The following SHISA9 variants were observed in gnomAD, a reference collection of about 807,000 sequenced individuals.
The protein encoded by SHISA9 is protein shisa-9.
Under a neutral mutation model 38.0 loss-of-function variants are expected in SHISA9, and 13 were observed. The observed-to-expected ratio is 0.34, with a 90% CI of 0.22 to 0.54. The LOEUF is 0.54. Ranked by LOEUF, SHISA9 falls within the 20% of genes least tolerant of loss-of-function variation. The probability of loss-of-function intolerance (pLI) is 0.91; values close to 1 mark genes in which losing one functional copy is unlikely to be tolerated. For missense variants in SHISA9, 538 were observed against 575.8 expected (o/e 0.93, Z 0.67); for synonymous variants, 275 against 242.0 (o/e 1.14, Z -1.27).
the SHISA9 span, among the ~76,000 whole-genome samples, chr16:13,547,291 G>A: frequency 2.6e-5 from 4 of 152,076 alleles, no homozygotes; most frequent in Admixed American, 1.3e-4. Context: ...TTATCAGTGG[G>A]TTTTTTTCTA....
chr16:12,991,540 A>C (rs2072385973), intron 2 of SHISA9, among the ~76,000 whole-genome samples: 2 of 152,218 alleles, frequency 1.3e-5, no homozygotes, highest in Admixed American at 1.3e-4. Context: ...ACAGAGAACT[A>C]AGAAGTTCAA....
the SHISA9 span, among the ~76,000 whole-genome samples, chr16:13,527,162 G>A: frequency 2.5e-4 from 38 of 152,214 alleles, no homozygotes; most frequent in Non-Finnish European, 5.1e-4. Flanking sequence ...TGTTCTAAGG[G>A]TTTTACATGA....
intron 2 of SHISA9, among the ~76,000 whole-genome samples, chr16:13,056,994 G>A (rs1019431452): frequency 6.6e-6 from 1 of 152,208 alleles, no homozygotes; most frequent in Admixed American, 6.5e-5. Flanking sequence ...TAGCTGTGAG[G>A]CTAGCAAAGG....
At chr16:13,340,067 T>C in the SHISA9 span, among the ~76,000 whole-genome samples, 2 of 152,310 alleles carry the variant, frequency 1.3e-5, no homozygotes, top group African/African-American at 4.8e-5. Context: ...TAGTCATTCC[T>C]GATTTAAGAT....
chr16:13,045,468 A>G (rs1468579655), intron 2 of SHISA9, among the ~76,000 whole-genome samples: 1 of 152,218 alleles, frequency 6.6e-6, no homozygotes, highest in Non-Finnish European at 1.5e-5. Flanking sequence ...AGATAGGTTC[A>G]TGAGTAATGC....
chr16:13,185,654 C>A (rs556741488), intron 2 of SHISA9, among the ~76,000 whole-genome samples: 2 of 152,292 alleles, frequency 1.3e-5, no homozygotes, highest in Non-Finnish European at 2.9e-5. Context: ...AATTGTTTAC[C>A]TGTTTCCCTC....
the SHISA9 span, among the ~76,000 whole-genome samples, chr16:13,535,601 C>G: frequency 1.3e-5 from 2 of 152,192 alleles, no homozygotes; most frequent in African/African-American, 4.8e-5. Flanking sequence ...AACCATTTGG[C>G]TCACAAAGTC....
At chr16:13,116,174 C>T (rs946250587) in intron 2 of SHISA9, among the ~76,000 whole-genome samples, 1 of 152,150 alleles carries the variant, frequency 6.6e-6, no homozygotes, top group South Asian at 2.1e-4. Flanking sequence ...CAAATGTGCA[C>T]ATAAGCTGAT....
the SHISA9 span, among the ~76,000 whole-genome samples, chr16:13,426,609 A>G: frequency 3.9e-5 from 6 of 152,230 alleles, no homozygotes; most frequent in Admixed American, 2.6e-4. Flanking sequence ...TTCGAAGTAA[A>G]TAAGTTCAAG....
the SHISA9 span, among the ~76,000 whole-genome samples, chr16:13,412,382 A>G: frequency 6.6e-6 from 1 of 152,144 alleles, no homozygotes; most frequent in East Asian, 1.9e-4. Context: ...TAGTGTGAAC[A>G]AACAACAGAT....
the SHISA9 span, among the ~76,000 whole-genome samples, chr16:13,401,733 T>C: frequency 6.6e-6 from 1 of 152,206 alleles, no homozygotes; most frequent in African/African-American, 2.4e-5. Flanking sequence ...TCCCAGCCTC[T>C]ATATATTAGT....
intron 4 of SHISA9, among the ~76,000 whole-genome samples, chr16:13,230,608 G>A (rs369660883): frequency 2.6e-5 from 4 of 152,028 alleles, no homozygotes; most frequent in Admixed American, 6.5e-5. Context: ...CCTTTGTTAC[G>A]GGAAAGGAGT....
chr16:13,241,590 A>G (rs1391515073), downstream of SHISA9, among the ~76,000 whole-genome samples: 1 of 152,204 alleles, frequency 6.6e-6, no homozygotes, highest in Non-Finnish European at 1.5e-5. Flanking sequence ...CCAAAGTCCC[A>G]AAGACCCTAA....
chr16:12,964,238 C>T (rs940263584), intron 2 of SHISA9, among the ~76,000 whole-genome samples: 26 of 152,202 alleles, frequency 1.7e-4, no homozygotes, highest in African/African-American at 5.8e-4. Context: ...ACTGTTTTCA[C>T]ACCTAGGGCT....
At chr16:13,385,285 T>C in the SHISA9 span, among the ~76,000 whole-genome samples, 1 of 152,378 alleles carries the variant, frequency 6.6e-6, no homozygotes, top group South Asian at 2.1e-4. Flanking sequence ...AGCAATTGTA[T>C]TCTTGGGCAT....
chr16:13,082,790 A>G (rs1022800174), intron 2 of SHISA9, among the ~76,000 whole-genome samples: 3 of 152,204 alleles, frequency 2.0e-5, no homozygotes, highest in African/African-American at 7.2e-5. Context: ...GGGGGGCTGA[A>G]GTCTCTTGCC....
the SHISA9 span, among the ~76,000 whole-genome samples, chr16:13,431,140 A>G: frequency 1.4e-4 from 21 of 152,168 alleles, no homozygotes; most frequent in Non-Finnish European, 5.9e-5. Flanking sequence ...GATAAGCTGC[A>G]TGGTCCACCC....
chr16:13,540,634 CCTTAT>C, the SHISA9 span, among the ~76,000 whole-genome samples: 2 of 152,136 alleles, frequency 1.3e-5, no homozygotes, highest in African/African-American at 4.8e-5. Flanking sequence ...TGACTTGAAT[CCTTAT>C]CTTAGGATTT....
chr16:13,430,161 G>A, the SHISA9 span, among the ~76,000 whole-genome samples: 1 of 152,166 alleles, frequency 6.6e-6, no homozygotes, highest in Admixed American at 6.5e-5. Context: ...CAGACGTCTT[G>A]TCTCTAGAAC....
Sources: gnomAD v4.1 joint callset for allele counts (sites outside exome capture counted in the v4.1 genomes callset) on GRCh38, gnomAD v4.1.1 for gene constraint, MANE v1.5 for transcripts, NCBI Gene and HGNC (gene_info 2026-07-23, HGNC 2026-07-21) for gene names.